Variants in DEPTOR observed in about 807,000 individuals in gnomAD.
DEPTOR encodes the protein DEP domain containing MTOR interacting protein.
Under a neutral mutation model 41.6 loss-of-function variants are expected in DEPTOR, and 41 were observed. The ratio of observed to expected loss-of-function variants is 0.98; its 90% CI spans 0.77 to 1.28. The LOEUF is 1.28. Ranked by LOEUF, DEPTOR falls within the 50% of genes most tolerant of loss-of-function variation. The pLI is 0.00. For synonymous variants in DEPTOR, 195 were observed against 192.3 expected (o/e 1.01, Z -0.12); for missense variants, 514 against 527.9 (o/e 0.97, Z 0.26).
intron 3 of DEPTOR, among the ~76,000 whole-genome samples, chr8:119,938,299 G>T (rs1828138125): frequency 6.6e-6 from 1 of 152,046 alleles, no homozygotes; most frequent in Non-Finnish European, 1.5e-5. Flanking sequence ...TTTGAAAATG[G>T]ATTATATGAA....
At chr8:119,891,596 C>T (rs1334110955) in intron 1 of DEPTOR, among the ~76,000 whole-genome samples, 1 of 152,156 alleles carries the variant, frequency 6.6e-6, no homozygotes, top group Admixed American at 6.6e-5. Context: ...CATGCTCACT[C>T]CTTCACCCCA....
chr8:120,011,727 C>T (rs1193234397), intron 8 of DEPTOR, among the ~76,000 whole-genome samples: 1 of 152,142 alleles, frequency 6.6e-6, no homozygotes, highest in East Asian at 1.9e-4. Context: ...CATACATAAC[C>T]GTTCTGGGCA....
chr8:119,914,574 G>A (rs982731030), intron 1 of DEPTOR, among the ~76,000 whole-genome samples: 3 of 151,842 alleles, frequency 2.0e-5, no homozygotes, highest in Admixed American at 2.0e-4. Context: ...CTAGTAGCTG[G>A]GATTACAGGT....
chr8:119,989,516 C>A (rs1812112098), intron 4 of DEPTOR, among the ~76,000 whole-genome samples: 1 of 152,104 alleles, frequency 6.6e-6, no homozygotes, highest in South Asian at 2.1e-4. Flanking sequence ...TCTCTTGGAT[C>A]TTCTTGTTAG....
intron 2 of DEPTOR, 64 bp downstream of exon 2, chr8:119,928,642 A>G: frequency 6.6e-7 from 1 of 1,522,134 alleles, no homozygotes; most frequent in Non-Finnish European, 8.9e-7. Flanking sequence ...TTTCATGAAC[A>G]TACCCACTTA....
chr8:120,006,853 C>G lies in DEPTOR; in HGVS notation c.974C>G (p.Pro325Arg), dbSNP rs147092773. Residue 325 changes from proline to arginine, a missense_variant, in exon 7 of 9, where the codon CCG becomes CGG. Physicochemically the swap from Pro to Arg is moderately radical, Grantham distance 103. Coordinates refer to ENST00000286234, the MANE Select transcript of DEPTOR (RefSeq NM_022783.4). ...GAGGAACTCCTTACTCCCGGGGCTC[C>G]GTATGCAAGGAAGACATTCACGGTA... ...TSEELLTPGA[P>R]YARKTFTIVG... is the part of the protein sequence containing the mutation. The G allele has an allele frequency of 6.2e-7, 1 of 1,614,128 alleles. No homozygotes were observed. The highest frequency in any genetic ancestry group is 1.1e-5 in the South Asian group (1 of 91,082).
intron 1 of DEPTOR, among the ~76,000 whole-genome samples, chr8:119,919,630 A>G (rs1349664239): frequency 6.6e-6 from 1 of 152,194 alleles, no homozygotes; most frequent in African/African-American, 2.4e-5. Flanking sequence ...CAGATCCCCA[A>G]GGACAGATAT....
At chr8:120,031,210 T>G (rs981149329) in intron 8 of DEPTOR, among the ~76,000 whole-genome samples, 3 of 152,028 alleles carry the variant, frequency 2.0e-5, no homozygotes, top group African/African-American at 7.2e-5. Flanking sequence ...CTCATGCCTG[T>G]AATCCCAGCA....
intron 3 of DEPTOR, among the ~76,000 whole-genome samples, chr8:119,946,992 C>A (rs757099397): frequency 6.6e-6 from 1 of 152,102 alleles, no homozygotes. Context: ...CTCTGAGGGG[C>A]GTGTGTGTAT....
At chr8:119,887,158 C>T (rs1586598568) in intron 1 of DEPTOR, among the ~76,000 whole-genome samples, 1 of 94,238 alleles carries the variant, frequency 1.1e-5, no homozygotes, top group East Asian at 4.4e-4. Flanking sequence ...CCCTCCCCTC[C>T]CCTCCCCTCC....
chr8:119,913,927 C>T (rs7016479), intron 1 of DEPTOR, among the ~76,000 whole-genome samples: 33,390 of 152,044 alleles, frequency 0.22, 4,243 homozygotes, highest in African/African-American at 0.34. Context: ...GTCCCATCAG[C>T]GGGACAAGCC....
intron 6 of DEPTOR, among the ~76,000 whole-genome samples, chr8:120,005,169 A>T (rs1812414409): frequency 6.6e-6 from 1 of 152,174 alleles, no homozygotes; most frequent in Non-Finnish European, 1.5e-5. Context: ...CTGAGGGTTT[A>T]TGGGGAGTGG....
chr8:119,915,092 G>A (rs1007869020), intron 1 of DEPTOR, among the ~76,000 whole-genome samples: 4 of 151,698 alleles, frequency 2.6e-5, no homozygotes, highest in Non-Finnish European at 5.9e-5. Flanking sequence ...TCAGCCTCCT[G>A]AATGCCTGGG....
At chr8:120,027,318 C>G (rs956803304) in intron 8 of DEPTOR, among the ~76,000 whole-genome samples, 1 of 151,634 alleles carries the variant, frequency 6.6e-6, no homozygotes, top group Non-Finnish European at 1.5e-5. Flanking sequence ...TGTATTTTCC[C>G]AACTTTCTGA....
At chr8:119,936,867 T>G (rs775594034) in intron 3 of DEPTOR, among the ~76,000 whole-genome samples, 5 of 151,732 alleles carry the variant, frequency 3.3e-5, no homozygotes, top group Non-Finnish European at 7.4e-5. Context: ...CTACTAAAAC[T>G]ACAAAAATTA....
chr8:119,998,394 G>C (rs2130071437), intron 4 of DEPTOR, among the ~76,000 whole-genome samples: 1 of 152,226 alleles, frequency 6.6e-6, no homozygotes, highest in East Asian at 1.9e-4. Context: ...CCTCATTGTG[G>C]GGTTTTAATG....
chr8:119,997,953 T>C (rs1325898093), intron 4 of DEPTOR, among the ~76,000 whole-genome samples: 1 of 152,176 alleles, frequency 6.6e-6, no homozygotes, highest in Non-Finnish European at 1.5e-5. Flanking sequence ...AATTTTACAA[T>C]CCAAAAAAAG....
chr8:120,036,238 T>C (rs144467757), intron 8 of DEPTOR, among the ~76,000 whole-genome samples: 2 of 152,346 alleles, frequency 1.3e-5, no homozygotes, highest in East Asian at 3.9e-4. Flanking sequence ...ATTACAAACT[T>C]CTCAATTTGA....
chr8:119,938,350 A>G (rs759429199), intron 3 of DEPTOR, among the ~76,000 whole-genome samples: 1 of 152,204 alleles, frequency 6.6e-6, no homozygotes, highest in Non-Finnish European at 1.5e-5. Context: ...TTTTAAGCCT[A>G]TGCTAATTTT....
Sources: gnomAD v4.1 joint callset for allele counts (sites outside exome capture counted in the v4.1 genomes callset) on GRCh38, gnomAD v4.1.1 for gene constraint, MANE v1.5 for transcripts, NCBI Gene and HGNC (gene_info 2026-07-23, HGNC 2026-07-21) for gene names.